The following PCSK2 variants were observed in gnomAD, a reference collection of about 807,000 sequenced individuals.
PCSK2 encodes neuroendocrine convertase 2.
Under a neutral mutation model 69.7 loss-of-function variants are expected in PCSK2, and 14 were observed. That is an observed-to-expected ratio of 0.20 (90% CI 0.13 to 0.31). PCSK2 has a LOEUF of 0.31. PCSK2 is among the 10% of genes least tolerant of loss of function. PCSK2 has a pLI of 1.00. For missense variants in PCSK2, 544 were observed against 842.5 expected (o/e 0.65, Z 4.39); for synonymous variants, 307 against 320.7 (o/e 0.96, Z 0.46).
At chr20:17,405,201 C>T (rs1313667268) in intron 5 of PCSK2, among the ~76,000 whole-genome samples, 3 of 152,184 alleles carry the variant, frequency 2.0e-5, no homozygotes. Context: ...AGGAAAATTT[C>T]CAGGGTCAAA....
At position 17,453,491 on chromosome 20, in the gene PCSK2, A is replaced by G. The variant is rs867919222; in HGVS notation, c.886-251A>G. On this transcript the variant is annotated intron_variant, in intron 8 of 11. Transcript: ENST00000262545. The surrounding 1 kb of genome is among the most constrained non-coding windows in gnomAD (Gnocchi z 4.0). ...TTGTAAATTTTAAGACAGTTCTTCC[A>G]ATTTTCTTACCTCATTATCCCCAGC... Among the ~76,000 whole-genome samples the G allele has an allele frequency of 1.3e-5, 2 of 152,192 alleles. No homozygotes were observed. Among genetic ancestry groups the G allele is most frequent in the African/African-American group, 4.8e-5 (2 of 41,460 alleles).
intron 10 of PCSK2, among the ~76,000 whole-genome samples, chr20:17,462,214 A>G (rs2033025698): frequency 1.3e-5 from 2 of 151,950 alleles, no homozygotes. Context: ...TTTGCTGCAT[A>G]CTGAAAATAC....
chr20:17,418,173 T>C (rs1417125347), intron 6 of PCSK2, among the ~76,000 whole-genome samples: 1 of 152,224 alleles, frequency 6.6e-6, no homozygotes, highest in East Asian at 1.9e-4. Flanking sequence ...TTGCATGTAT[T>C]CATTCAACTA....
intron 11 of PCSK2, among the ~76,000 whole-genome samples, chr20:17,474,343 C>T (rs146558027): frequency 1.3e-5 from 2 of 152,338 alleles, no homozygotes; most frequent in African/African-American, 2.4e-5. Flanking sequence ...CCCCCAGGCA[C>T]ACCCCAGTGT....
chr20:17,313,570 C>A (rs114231806), intron 2 of PCSK2, among the ~76,000 whole-genome samples: 1 of 152,150 alleles, frequency 6.6e-6, no homozygotes. Flanking sequence ...AACATAAGCT[C>A]ATTTTTCTCC....
intron 11 of PCSK2, among the ~76,000 whole-genome samples, chr20:17,473,502 C>T (rs1185914324): frequency 4.6e-5 from 7 of 152,194 alleles, no homozygotes; most frequent in South Asian, 2.1e-4. Context: ...TCTGCAGAGC[C>T]TCTTTTTGTT....
chr20:17,444,003 C>A (rs1234122438), intron 8 of PCSK2, among the ~76,000 whole-genome samples: 1 of 152,180 alleles, frequency 6.6e-6, no homozygotes, highest in African/African-American at 2.4e-5. Flanking sequence ...ATAAATCTTT[C>A]CTTGTTTCAA....
chr20:17,468,263 G>A (rs2033138553), intron 11 of PCSK2, among the ~76,000 whole-genome samples: 1 of 146,176 alleles, frequency 6.8e-6, no homozygotes. Flanking sequence ...TAGACGGGCA[G>A]CCCACCATAG....
chr20:17,379,644 C>G (rs150722513), intron 5 of PCSK2, among the ~76,000 whole-genome samples: 48 of 152,346 alleles, frequency 3.2e-4, no homozygotes, highest in African/African-American at 1.0e-3. Flanking sequence ...TTTCCACCCT[C>G]TGCTGTAAGC....
At chr20:17,476,445 A>C (rs1437971222) in intron 11 of PCSK2, among the ~76,000 whole-genome samples, 1 of 152,236 alleles carries the variant, frequency 6.6e-6, no homozygotes, top group East Asian at 1.9e-4. Context: ...CATTAGCCAC[A>C]TGTAGCCAGT....
chr20:17,383,092 A>C (rs1224780240), intron 5 of PCSK2, among the ~76,000 whole-genome samples: 1 of 152,224 alleles, frequency 6.6e-6, no homozygotes, highest in Non-Finnish European at 1.5e-5. Flanking sequence ...CTTTATCCGC[A>C]GCACAGCACC....
chr20:17,382,903 C>T (rs911205251), intron 5 of PCSK2, among the ~76,000 whole-genome samples: 1 of 152,200 alleles, frequency 6.6e-6, no homozygotes, highest in African/African-American at 2.4e-5. Flanking sequence ...AAGACTGTCA[C>T]ACTAGCTCTT....
intron 5 of PCSK2, among the ~76,000 whole-genome samples, chr20:17,400,895 C>A (rs1177157339): frequency 1.3e-5 from 2 of 152,178 alleles, no homozygotes; most frequent in South Asian, 2.1e-4. Context: ...ACCAGAATTT[C>A]TTTAACTCAT....
At chr20:17,303,146 T>G (rs1989141663) in intron 2 of PCSK2, among the ~76,000 whole-genome samples, 1 of 147,870 alleles carries the variant, frequency 6.8e-6, no homozygotes, top group Middle Eastern at 3.5e-3. Flanking sequence ...GGCAAAGGGA[T>G]GGGTATAGCT....
intron 6 of PCSK2, among the ~76,000 whole-genome samples, chr20:17,417,708 T>C (rs2032031506): frequency 6.6e-6 from 1 of 152,128 alleles, no homozygotes; most frequent in East Asian, 1.9e-4. Context: ...GTCCCTTCCA[T>C]GAGTGTACGA....
chr20:17,398,577 G>A (rs1034852584), intron 5 of PCSK2, among the ~76,000 whole-genome samples: 18 of 150,530 alleles, frequency 1.2e-4, no homozygotes, highest in African/African-American at 4.4e-4. Context: ...GCTGGGGCCT[G>A]AGATTCTGGA....
At chr20:17,404,803 G>A (rs767123070) in intron 5 of PCSK2, among the ~76,000 whole-genome samples, 11 of 152,206 alleles carry the variant, frequency 7.2e-5, no homozygotes, top group Non-Finnish European at 1.5e-4. Flanking sequence ...TCAGGGATTG[G>A]CAAACTCTTT....
At chr20:17,266,782 C>T (rs778408723) in intron 2 of PCSK2, among the ~76,000 whole-genome samples, 21 of 152,110 alleles carry the variant, frequency 1.4e-4, no homozygotes, top group African/African-American at 2.2e-4. Flanking sequence ...GCAAAGGAAC[C>T]GGACCTTTGT....
At chr20:17,397,998 C>T (rs940682862) in intron 5 of PCSK2, among the ~76,000 whole-genome samples, 8 of 152,308 alleles carry the variant, frequency 5.3e-5, no homozygotes, top group Middle Eastern at 3.4e-3. Flanking sequence ...TAGAGATTAA[C>T]TTGTTTCAAT....
Sources: allele counts gnomAD v4.1 joint callset (sites outside exome capture counted in the v4.1 genomes callset), GRCh38; gene constraint gnomAD v4.1.1; non-coding constraint Gnocchi (gnomAD v3.1); transcripts MANE v1.5; gene names NCBI Gene and HGNC (gene_info 2026-07-23, HGNC 2026-07-21).